Variants in ATP8A2 observed in about 807,000 individuals in gnomAD.
ATP8A2 encodes the protein phospholipid-transporting ATPase IB.
A neutral mutation model predicts 165.6 loss-of-function variants in ATP8A2; 100 were observed. That is an observed-to-expected ratio of 0.60 (90% CI 0.51 to 0.71). The LOEUF is 0.71. ATP8A2 is among the 30% of genes least tolerant of loss of function. The pLI is 0.00. For missense variants in ATP8A2, 1,227 were observed against 1,479.5 expected (o/e 0.83, Z 2.80); for synonymous variants, 543 against 548.8 (o/e 0.99, Z 0.15).
intron 2 of ATP8A2, among the ~76,000 whole-genome samples, chr13:25,526,185 A>T (rs1416479093): frequency 6.6e-6 from 1 of 151,992 alleles, no homozygotes. Context: ...TTTCTCTGAT[A>T]CATTTTTGAG....
chr13:25,413,255 T>C (rs1276175363), intron 1 of ATP8A2, among the ~76,000 whole-genome samples: 1 of 151,362 alleles, frequency 6.6e-6, no homozygotes, highest in Non-Finnish European at 1.5e-5. Context: ...TAGTCAGACT[T>C]TTTTTTCTTT....
intron 10 of ATP8A2, 133 bp from the exon 11 acceptor site, chr13:25,551,205 G>A: frequency 5.2e-6 from 4 of 773,342 alleles, no homozygotes; most frequent in South Asian, 1.9e-5. Context: ...CTTTTGAATT[G>A]CATTGATTAT....
chr13:26,014,102 C>T (rs1956910066), intron 36 of ATP8A2, among the ~76,000 whole-genome samples: 1 of 152,172 alleles, frequency 6.6e-6, no homozygotes, highest in Non-Finnish European at 1.5e-5. Flanking sequence ...GACAGGAGTG[C>T]TAACTGTAGG....
chr13:25,716,776 G>A (rs908989018), intron 25 of ATP8A2, among the ~76,000 whole-genome samples: 2 of 152,114 alleles, frequency 1.3e-5, no homozygotes, highest in African/African-American at 2.4e-5. Flanking sequence ...ACATAGCCCT[G>A]GCCTCATGGA....
intron 35 of ATP8A2, among the ~76,000 whole-genome samples, chr13:25,993,623 C>G (rs1366714217): frequency 6.6e-6 from 1 of 152,122 alleles, no homozygotes; most frequent in Non-Finnish European, 1.5e-5. Context: ...CACTGAATTG[C>G]TTTTGCACCT....
chr13:25,531,050 G>A (rs1340786374), intron 4 of ATP8A2, among the ~76,000 whole-genome samples: 2 of 151,374 alleles, frequency 1.3e-5, no homozygotes, highest in East Asian at 3.9e-4. Context: ...TCATCCTAGT[G>A]TACCTCCAAG....
At chr13:25,935,368 G>T (rs1424461496) in intron 33 of ATP8A2, among the ~76,000 whole-genome samples, 1 of 152,202 alleles carries the variant, frequency 6.6e-6, no homozygotes, top group African/African-American at 2.4e-5. Context: ...CTGGGCAGTT[G>T]ATTAGATAGA....
At chr13:25,408,573 C>T (rs115027312) in intron 1 of ATP8A2, among the ~76,000 whole-genome samples, 1,738 of 152,212 alleles carry the variant, frequency 0.011, 39 homozygotes, top group African/African-American at 0.04. Context: ...GATGTTTATT[C>T]GGTAACTAGG....
Position 25,559,760 on chromosome 13 carries a change from C to T in ATP8A2, c.1392C>T (p.Asp464=). 2.5e-6 allele frequency: 4 copies of T among 1,611,850 alleles called. No homozygotes were observed. Among genetic ancestry groups the T allele is most frequent in the Non-Finnish European group, 3.4e-6 (4 of 1,178,066 alleles). ...PELAREPSSD[D]FCRMPPPCSD... ...TGGCAAGAGAGCCGTCTTCAGATGA[C>T]TTCTGGTAAGTAGATTCTAGCACTT... Residue 464 remains aspartate, a synonymous_variant, in exon 15 of 37, where the codon GAC becomes GAT. Coordinates refer to ENST00000381655, the MANE Select transcript of ATP8A2 (RefSeq NM_016529.6).
chr13:25,728,522 A>G (rs1007177925), intron 25 of ATP8A2, among the ~76,000 whole-genome samples: 6 of 152,206 alleles, frequency 3.9e-5, no homozygotes, highest in Non-Finnish European at 8.8e-5. Context: ...ATTACTTTTC[A>G]GTATTACTGG....
At chr13:25,991,867 A>G (rs906793115) in intron 35 of ATP8A2, among the ~76,000 whole-genome samples, 1 of 151,122 alleles carries the variant, frequency 6.6e-6, no homozygotes, top group Non-Finnish European at 1.5e-5. Flanking sequence ...CCAGGAGTGC[A>G]ATAGCTGGGT....
chr13:25,575,053 T>A (rs1249530684), intron 19 of ATP8A2, among the ~76,000 whole-genome samples, 196 bp downstream of exon 19: 1 of 152,272 alleles, frequency 6.6e-6, no homozygotes, highest in Admixed American at 6.5e-5. Context: ...TATTTTTCTT[T>A]GTTTTATTCA....
chr13:25,630,180 G>A (rs2137508228), intron 24 of ATP8A2, among the ~76,000 whole-genome samples: 2 of 152,252 alleles, frequency 1.3e-5, no homozygotes, highest in South Asian at 4.2e-4. Context: ...AGACCATATG[G>A]TCACATAAAC....
chr13:25,520,612 T>G (rs113266869), intron 2 of ATP8A2, among the ~76,000 whole-genome samples: 6,476 of 149,532 alleles, frequency 0.043, 151 homozygotes, highest in Non-Finnish European at 0.05. Flanking sequence ...TTTTGTTTTT[T>G]TTTTTTGAGA....
intron 33 of ATP8A2, 50 bp from the exon 34 acceptor site, chr13:25,961,525 G>A (rs1346214058): frequency 7.1e-7 from 1 of 1,404,858 alleles, no homozygotes; most frequent in Non-Finnish European, 1.0e-6. Flanking sequence ...ATGTTGCTCT[G>A]TTTTTGAAAG....
intron 35 of ATP8A2, among the ~76,000 whole-genome samples, chr13:25,993,969 TG>T (rs1410221557): frequency 6.6e-6 from 1 of 152,206 alleles, no homozygotes; most frequent in East Asian, 1.9e-4. Context: ...TCCATGAAAA[TG>T]GTAAGTCTCT....
intron 33 of ATP8A2, among the ~76,000 whole-genome samples, chr13:25,938,291 G>A (rs7994495): frequency 0.74 from 112,051 of 152,002 alleles, 41,932 homozygotes; most frequent in East Asian, 0.99. Context: ...GGAAACGGAC[G>A]GACTTTTACA....
intron 33 of ATP8A2, among the ~76,000 whole-genome samples, chr13:25,877,819 T>G (rs971721614): frequency 1.3e-5 from 2 of 152,198 alleles, no homozygotes; most frequent in Non-Finnish European, 2.9e-5. Flanking sequence ...CCTTCAGACA[T>G]GTCAAGGAAA....
chr13:25,892,720 C>A (rs1292088507), intron 33 of ATP8A2, among the ~76,000 whole-genome samples: 1 of 152,016 alleles, frequency 6.6e-6, no homozygotes, highest in African/African-American at 2.4e-5. Flanking sequence ...CCTCCTCTGC[C>A]ATAGCCTATT....
Sources: gnomAD v4.1 joint callset for allele counts (sites outside exome capture counted in the v4.1 genomes callset) on GRCh38, gnomAD v4.1.1 for gene constraint, MANE v1.5 for transcripts, NCBI Gene and HGNC (gene_info 2026-07-23, HGNC 2026-07-21) for gene names.